The following KIAA1217 variants were observed in gnomAD, a reference collection of about 807,000 sequenced individuals.
KIAA1217 encodes KIAA1217, also known as sickle tail protein homolog.
KIAA1217 carries 88 observed loss-of-function variants against 163.9 expected under a neutral mutation model. The observed-to-expected ratio is 0.54, with a 90% CI of 0.45 to 0.64. The LOEUF (loss-of-function observed/expected upper bound fraction) is 0.64. KIAA1217 is among the 30% of genes least tolerant of loss of function. KIAA1217 has a pLI of 0.00. For synonymous variants in KIAA1217, 903 were observed against 923.1 expected, an observed-to-expected ratio of 0.98 and a Z score of 0.39; for missense variants, 2,372 against 2,475.0, an observed-to-expected ratio of 0.96 and a Z score of 0.88.
At chr10:23,962,436 A>G (rs1166089733) in intron 1 of KIAA1217, among the ~76,000 whole-genome samples, 1 of 152,170 alleles carries the variant, frequency 6.6e-6, no homozygotes, top group Non-Finnish European at 1.5e-5. Flanking sequence ...TGTTGTTATT[A>G]TTGCCCTTCT....
At chr10:23,760,447 T>C (rs1834199564) in intron 1 of KIAA1217, among the ~76,000 whole-genome samples, 1 of 152,176 alleles carries the variant, frequency 6.6e-6, no homozygotes, top group Admixed American at 6.5e-5. Flanking sequence ...CAGTGTGCAT[T>C]GAGATAGAAA....
intron 2 of KIAA1217, among the ~76,000 whole-genome samples, chr10:24,052,533 A>G (rs974268137): frequency 7.2e-5 from 11 of 152,176 alleles, no homozygotes; most frequent in Non-Finnish European, 1.2e-4. Flanking sequence ...CAACTCCAGT[A>G]GAATATTTTG....
chr10:24,274,764 A>AAT (rs2077101864), intron 2 of KIAA1217, among the ~76,000 whole-genome samples: 1 of 152,076 alleles, frequency 6.6e-6, no homozygotes, highest in African/African-American at 2.4e-5. Flanking sequence ...CACCTTTTAA[A>AAT]ATATATATTA....
At chr10:23,782,477 G>T (rs1291852406) in intron 1 of KIAA1217, among the ~76,000 whole-genome samples, 1 of 152,154 alleles carries the variant, frequency 6.6e-6, no homozygotes, top group African/African-American at 2.4e-5. Context: ...TGTCACCCAG[G>T]CTGGAGGTGC....
At chr10:24,099,586 T>TATATATATATATATATATATATATAA (rs1306527831) in intron 2 of KIAA1217, among the ~76,000 whole-genome samples, 1 of 143,456 alleles carries the variant, frequency 7.0e-6, no homozygotes, top group South Asian at 2.2e-4. Context: ...TATATATATA[T>TATATATATATATATATATATATATAA]TATATATATA....
intron 2 of KIAA1217, among the ~76,000 whole-genome samples, chr10:24,358,720 C>G (rs1488741120): frequency 2.0e-5 from 3 of 152,090 alleles, no homozygotes; most frequent in Non-Finnish European, 4.4e-5. Context: ...GAATAGTCAC[C>G]CTGTATATGA....
At chr10:24,235,200 T>TA (rs2072057545) in intron 2 of KIAA1217, among the ~76,000 whole-genome samples, 1 of 152,160 alleles carries the variant, frequency 6.6e-6, no homozygotes, top group Non-Finnish European at 1.5e-5. Context: ...TAATCACACC[T>TA]AAAAAATACC....
At chr10:24,340,923 G>C (rs904436736) in intron 2 of KIAA1217, among the ~76,000 whole-genome samples, 1 of 152,232 alleles carries the variant, frequency 6.6e-6, no homozygotes, top group African/African-American at 2.4e-5. Flanking sequence ...TTCTTTGAAT[G>C]TGTGTGAGCA....
chr10:23,758,978 TA>T lies in KIAA1217; in HGVS notation c.-321+63746del, dbSNP rs554433657. ...ATATTAAAAAAAGTCATTGGGAGTT[TA>T]ATAGGGATTCATTAAATCTGTAGAT... is the stretch of plus-strand genomic sequence containing the variant. On this transcript the variant is annotated intron_variant, in intron 1 of 18. Coordinates refer to the KIAA1217 transcript ENST00000376462. Among the ~76,000 whole-genome samples the T allele has an allele frequency of 4.6e-3, 701 of 152,212 alleles. 8 individuals are homozygous for T. The highest frequency in any genetic ancestry group is 0.015 in the African/African-American group (642 of 41,534).
intron 1 of KIAA1217, among the ~76,000 whole-genome samples, chr10:23,940,420 G>T (rs536442753): frequency 2.3e-5 from 3 of 130,568 alleles, no homozygotes; most frequent in African/African-American, 9.0e-5. Context: ...AGATTGCGCC[G>T]CTGAACTCCA....
intron 1 of KIAA1217, among the ~76,000 whole-genome samples, chr10:23,893,617 T>C (rs1479437737): frequency 2.0e-5 from 3 of 152,170 alleles, no homozygotes; most frequent in Non-Finnish European, 4.4e-5. Context: ...CTGCTTTCTC[T>C]TGTGGGCATT....
chr10:24,243,088 C>T (rs1172930246), intron 2 of KIAA1217, among the ~76,000 whole-genome samples: 2 of 152,000 alleles, frequency 1.3e-5, no homozygotes, highest in African/African-American at 4.8e-5. Context: ...TAATTAGGTC[C>T]CACTTGACAA....
intron 3 of KIAA1217, among the ~76,000 whole-genome samples, chr10:24,390,502 A>AAGGAAGGC: frequency 1.2e-5 from 1 of 83,540 alleles, no homozygotes; most frequent in East Asian, 4.4e-4. Flanking sequence ...GGAAGGAAGG[A>AAGGAAGGC]AGGAAGGAAG....
chr10:24,095,581 C>A (rs2062125406), intron 2 of KIAA1217, among the ~76,000 whole-genome samples: 1 of 152,268 alleles, frequency 6.6e-6, no homozygotes, highest in African/African-American at 2.4e-5. Flanking sequence ...TCTACTCAAC[C>A]TTTCCATGAT....
chr10:24,337,836 G>A (rs11812368), intron 2 of KIAA1217, among the ~76,000 whole-genome samples: 2,323 of 151,892 alleles, frequency 0.015, 55 homozygotes, highest in African/African-American at 0.052. Flanking sequence ...GTAGAGACAA[G>A]GTTTCACTAT....
At chr10:24,158,800 C>G in intron 2 of KIAA1217, 1 of 444,694 alleles carries the variant, frequency 2.2e-6, no homozygotes, top group South Asian at 1.9e-5. Flanking sequence ...AGTAGAAGAC[C>G]AAGGAGGAGG....
chr10:23,750,738 T>C (rs1839690386), intron 1 of KIAA1217, among the ~76,000 whole-genome samples: 1 of 152,196 alleles, frequency 6.6e-6, no homozygotes, highest in South Asian at 2.1e-4. Context: ...AATGAGGGGC[T>C]GTGACTGCGT....
intron 2 of KIAA1217, among the ~76,000 whole-genome samples, chr10:24,345,779 A>G (rs2047666374): frequency 6.6e-6 from 1 of 150,440 alleles, no homozygotes; most frequent in Non-Finnish European, 1.5e-5. Context: ...TATTCATTTG[A>G]CTATCGGCAA....
chr10:24,063,642 T>C (rs2060820785), intron 2 of KIAA1217, among the ~76,000 whole-genome samples: 1 of 152,242 alleles, frequency 6.6e-6, no homozygotes, highest in African/African-American at 2.4e-5. Flanking sequence ...TGGTTCCATA[T>C]GAACTTTAAA....
Sources: allele counts gnomAD v4.1 joint callset (sites outside exome capture counted in the v4.1 genomes callset), GRCh38; gene constraint gnomAD v4.1.1; transcripts MANE v1.5; gene names NCBI Gene and HGNC (gene_info 2026-07-23, HGNC 2026-07-21).